SYDE1: variants seen among roughly 807,000 people sequenced by gnomAD.
SYDE1 encodes the protein synapse defective Rho GTPase activating protein 1, also known as rho GTPase-activating protein SYDE1.
Under a neutral mutation model 63.3 loss-of-function variants are expected in SYDE1, and 34 were observed. The observed-to-expected ratio is 0.54, with a 90% CI of 0.41 to 0.71. SYDE1 has a LOEUF of 0.71. Ranked by LOEUF, SYDE1 falls within the 30% of genes least tolerant of loss-of-function variation. The pLI is 0.00. For synonymous variants in SYDE1, 467 were observed against 473.4 expected (o/e 0.99, Z 0.18); for missense variants, 925 against 1,042.5 (o/e 0.89, Z 1.55).
chr19:15,110,053 C>A lies in SYDE1; in HGVS notation c.780C>A (p.Pro260=). The part of the protein sequence containing the change: ...PYEVGPAARA[P]PAALWGRLSL... ...AGGTGGGTCCCGCAGCCCGGGCACC[C>A]CCGGCCGCACTCTGGGGCCGCCTCA... The change falls in exon 3 of 8, where the codon CCC becomes CCA. Residue 260 remains proline, a synonymous_variant. Coordinates refer to ENST00000342784, the MANE Select transcript of SYDE1 (RefSeq NM_033025.6). The surrounding 1 kb of genome is among the most constrained non-coding windows in gnomAD (Gnocchi z 6.9). The A allele has an allele frequency of 6.7e-7, 1 of 1,498,990 alleles. No homozygotes were observed. The allele number at this position is 1,498,990 out of a possible 1,614,324, so 92.9% of individuals were successfully genotyped here. A position where few individuals can be genotyped will look rare whatever the true frequency, so the allele number is the denominator to read the frequency against.
rs867358134 is a variant in SYDE1, at chr19:15,112,428, C to T, written c.1661C>T (p.Ala554Val). 2 of 1,600,994 alleles carry T rather than the reference C, an allele frequency of 1.2e-6. No individual in the cohort carries two copies. The highest frequency in any genetic ancestry group is 1.7e-5 in the Admixed American group (1 of 57,748). The change falls in exon 7 of 8, where the codon GCC becomes GTC. Residue 554 changes from alanine to valine, a missense_variant. Transcript: ENST00000342784. ...AACCGCATGACCCCACAGAACTTGG[C>T]CGTGTGCTTCGGGCCTGTGCTGCTG... ...AYNRMTPQNL[A>V]VCFGPVLLPA...
Position 15,108,004 on chromosome 19 carries a change from G to A in SYDE1, c.88+483G>A, listed in dbSNP as rs984953523. 2.6e-5 allele frequency among the ~76,000 whole-genome samples: 4 copies of A among 152,150 alleles called. No homozygotes were observed. The highest frequency in any genetic ancestry group is 5.9e-5 in the Non-Finnish European group (4 of 68,014). On this transcript the variant is annotated intron_variant, in intron 1 of 7. Transcript: ENST00000342784. The surrounding 1 kb of genome is among the most constrained non-coding windows in gnomAD (Gnocchi z 4.3). ...CCGCCTCCCACCTACTAACAGTGAC[G>A]GCAACTGCGCCTGCCTTAGCCCCAG...
At position 15,110,725 on chromosome 19, in the gene SYDE1, G is replaced by T; in HGVS notation, c.1280G>T (p.Arg427Leu). Residue 427 changes from arginine (R) to leucine (L), a missense_variant, in exon 4 of 8, where the codon CGA (arginine) becomes CTA (leucine). Arg to Leu is a moderately radical substitution (Grantham distance 102). Around this residue, in one of 3 missense-constraint regions of SYDE1, gnomAD observed 599 missense variants for 653.7 expected, o/e 0.92. Transcript: ENST00000342784. This position sits in a 1 kb window ranked among gnomAD's most constrained non-coding sequence, Gnocchi z 6.9. ...IQKCVGQIER[R>L]GLRVVGLYRL... ...AAGTGCGTTGGGCAGATCGAGCGCC[G>T]AGGGCTGCGGGTGAGCACCCACCCC... 1.3e-6 allele frequency: 2 copies of T among 1,553,882 alleles called. No individual in the cohort carries two copies. Among genetic ancestry groups the T allele is most frequent in the Non-Finnish European group, 8.7e-7 (1 of 1,152,292 alleles).
Position 15,113,813 on chromosome 19 carries a change from GGAC to G in SYDE1, c.2061_2063del (p.Asp687del). The G allele has an allele frequency of 6.2e-7, 1 of 1,614,142 alleles. No homozygotes were observed. Among genetic ancestry groups the G allele is most frequent in the East Asian group, 2.2e-5 (1 of 44,882 alleles). ...TGACGGGCAGTGACAGCGAGGACGA[GGAC>G]GAGGAGGTCGGCGAGCCGAGGGTCA... On this transcript the variant is annotated inframe_deletion, in exon 8 of 8. Transcript: ENST00000342784.
In SYDE1 at chr19:15,113,689, G is replaced by GC. The variant is rs764522229; in HGVS notation, c.1940dup (p.Ser648GlufsTer35). The GC allele has an allele frequency of 3.7e-6, 6 of 1,613,328 alleles. No individual in the cohort carries two copies. Among genetic ancestry groups the GC allele is most frequent in the South Asian group, 1.1e-5 (1 of 91,036 alleles). ...CCCCGCGGTCGAGGAGGCCCCGAAA[G>GC]CCCCCCGAGCAACCGCTACGCCGGC... is the stretch of plus-strand genomic sequence containing the variant. On this transcript the variant is annotated frameshift_variant, in exon 8 of 8. Transcript: ENST00000342784. LOFTEE classifies it high-confidence loss of function.
At position 15,108,047 on chromosome 19, in the gene SYDE1, A is replaced by G. The variant is rs1258510688; in HGVS notation, c.88+526A>G. Among the ~76,000 whole-genome samples, 1 of 152,138 alleles carries G rather than the reference A, an allele frequency of 6.6e-6. No individual in the cohort carries two copies. The highest frequency in any genetic ancestry group is 1.5e-5 in the Non-Finnish European group (1 of 68,010). ...AGCCCCAGGAAACTGTCCCTTTTATACAGATGGGGAAACTGAGGCACGGAG... is the reference window on the plus strand; with the variant it reads ...AGCCCCAGGAAACTGTCCCTTTTATGCAGATGGGGAAACTGAGGCACGGAG... On this transcript the variant is annotated intron_variant, in intron 1 of 7. Transcript: ENST00000342784. The surrounding 1 kb of genome is among the most constrained non-coding windows in gnomAD (Gnocchi z 4.3).
At position 15,109,545 on chromosome 19, in the gene SYDE1, C is replaced by A. The variant is rs1342722850; in HGVS notation, c.430+148C>A. On this transcript the variant is annotated intron_variant, in intron 2 of 7. Coordinates refer to ENST00000342784, the MANE Select transcript of SYDE1 (RefSeq NM_033025.6). The surrounding 1 kb of genome is among the most constrained non-coding windows in gnomAD (Gnocchi z 5.0). Reference sequence around the variant, plus strand: ...CTTCAGGGGAGCACCAGCCTCACATCCCCACCCCGTCAGATGCTCCCAGAG... The same window carrying A: ...CTTCAGGGGAGCACCAGCCTCACATACCCACCCCGTCAGATGCTCCCAGAG... The A allele has an allele frequency of 2.9e-6, 3 of 1,046,152 alleles. No individual in the cohort carries two copies. Among genetic ancestry groups the A allele is most frequent in the African/African-American group, 3.2e-5 (2 of 61,812 alleles). 64.8% of individuals were successfully genotyped at this position (1,046,152 alleles called of 1,614,324 possible).
In SYDE1 at chr19:15,113,666, C is replaced by T. The variant is rs762522722; in HGVS notation, c.1911C>T (p.Pro637=). 1 of 1,613,252 alleles carries T rather than the reference C, an allele frequency of 6.2e-7. No individual in the cohort carries two copies. The highest frequency in any genetic ancestry group is 8.5e-7 in the Non-Finnish European group (1 of 1,179,784). ...PLADPEVVTR[P]RGRGGPESPP... is the part of the protein sequence containing the mutation. ...CAGACCCCGAAGTGGTGACTCGGCC[C>T]CGCGGTCGAGGAGGCCCCGAAAGCC... The change falls in exon 8 of 8, where the codon CCC becomes CCT. Residue 637 remains proline (P), a synonymous_variant. Coordinates refer to ENST00000342784, the MANE Select transcript of SYDE1 (RefSeq NM_033025.6).
Position 15,114,081 on chromosome 19 carries a change from C to T in SYDE1, c.*118C>T, listed in dbSNP as rs979447342. ...CTCAGGCCGAGCTCCTGGTTGCCAG[C>T]GAGTTACCACGGGACCAGTCGCGTG... On this transcript the variant is annotated 3_prime_UTR_variant, in exon 8 of 8. Transcript: ENST00000342784. 3 of 1,012,338 alleles carry T rather than the reference C, an allele frequency of 3.0e-6. No individual in the cohort carries two copies. Among genetic ancestry groups the T allele is most frequent in the African/African-American group, 1.6e-5 (1 of 62,116 alleles). The allele number at this position is 1,012,338 out of a possible 1,614,324, so 62.7% of individuals were successfully genotyped here.
chr19:15,110,571 T>C lies in SYDE1; in HGVS notation c.1126T>C (p.Tyr376His), dbSNP rs2046338881. 6.3e-7 allele frequency: 1 copy of C among 1,598,888 alleles called. No homozygotes were observed. Among genetic ancestry groups the C allele is most frequent in the Non-Finnish European group, 8.5e-7 (1 of 1,175,380 alleles). ...AVRLEPQGLLYAKLTLSEQQE... is the reference protein window; with the variant it reads ...AVRLEPQGLLHAKLTLSEQQE... ...GCGCCTGGAGCCTCAGGGGCTGCTG[T>C]ATGCCAAGCTGACCCTGTCGGAGCA... Residue 376 changes from tyrosine to histidine, a missense_variant, in exon 4 of 8, where the codon TAT (tyrosine) becomes CAT (histidine). Tyr to His is a moderately conservative substitution (Grantham distance 83, BLOSUM62 2). Transcript: ENST00000342784. The surrounding 1 kb of genome is among the most constrained non-coding windows in gnomAD (Gnocchi z 6.9).
In SYDE1 at chr19:15,109,254, T is replaced by C. The variant is rs768472992; in HGVS notation, c.287T>C (p.Leu96Ser). The change falls in exon 2 of 8, where the codon TTA becomes TCA. Residue 96 changes from leucine (L) to serine (S), a missense_variant. Physicochemically the swap from Leu to Ser is moderately radical, Grantham distance 145. This residue lies in a region of SYDE1 where 599 missense variants were observed against 653.7 expected (regional missense o/e 0.92). Transcript: ENST00000342784. This position sits in a 1 kb window ranked among gnomAD's most constrained non-coding sequence, Gnocchi z 5.0. ...GCCAAGCCAGCTGAGGACACCTCTT[T>C]AGGGCCTGGGGTACCTGGCACTGGG... ...GGAKPAEDTS[L>S]GPGVPGTGEP... 1.2e-5 allele frequency: 20 copies of C among 1,603,196 alleles called. No homozygotes were observed. The Middle Eastern group carries it at 6.6e-4, about 53-fold the overall frequency.
rs547763466 is a variant in SYDE1 at position 15,110,540 on chromosome 19, G to A, written c.1095G>A (p.Leu365=). The A allele has an allele frequency of 1.1e-5, 18 of 1,589,346 alleles. No individual in the cohort carries two copies. In the Admixed American group the frequency reaches 1.7e-4, roughly 15 times the overall value. Residue 365 remains leucine (L), a synonymous_variant, in exon 4 of 8, where the codon CTG becomes CTA. Transcript: ENST00000342784. The surrounding 1 kb of genome is among the most constrained non-coding windows in gnomAD (Gnocchi z 6.9). ...TVFRGCQAQQ[L]AVRLEPQGLL... ...CCTCAGGGTGCCAGGCCCAACAGCTGGCCGTGCGCCTGGAGCCTCAGGGGC... is the reference window on the plus strand; with the variant it reads ...CCTCAGGGTGCCAGGCCCAACAGCTAGCCGTGCGCCTGGAGCCTCAGGGGC...
In SYDE1 at chr19:15,113,518, C is replaced by T. The variant is rs1032811168; in HGVS notation, c.1805-42C>T. ...GTTCCCTAAGCAGCCAATCAGAGGT[C>T]GGCTGTCGCCTCTTTCTATGACCTA... On this transcript the variant is annotated intron_variant, in intron 7 of 7. Coordinates refer to ENST00000342784, the MANE Select transcript of SYDE1 (RefSeq NM_033025.6). 6 of 1,503,962 alleles carry T rather than the reference C, an allele frequency of 4.0e-6. No individual in the cohort carries two copies. In the African/African-American group the frequency reaches 5.6e-5, roughly 14 times the overall value. The allele number at this position is 1,503,962 out of a possible 1,614,324, so 93.2% of individuals were successfully genotyped here.
In SYDE1 at chr19:15,107,432, G is replaced by C; in HGVS notation, c.-2G>C. ...TCGGCTCGGCCCGGCCCGGGCCGCA[G>C]CATGGCCGAGCCGCTACTCAGGAAA... On this transcript the variant is annotated 5_prime_UTR_variant, in exon 1 of 8. Transcript: ENST00000342784. The C allele has an allele frequency of 7.0e-7, 1 of 1,425,902 alleles. No homozygotes were observed. Among genetic ancestry groups the C allele is most frequent in the Non-Finnish European group, 9.4e-7 (1 of 1,069,040 alleles). 88.3% of individuals were successfully genotyped at this position (1,425,902 alleles called of 1,614,324 possible).
Position 15,110,050 on chromosome 19 carries a change from AC to A in SYDE1, c.782del (p.Pro261ArgfsTer80), listed in dbSNP as rs778610532. 2.7e-6 allele frequency: 4 copies of A among 1,496,532 alleles called. No individual in the cohort carries two copies. The highest frequency in any genetic ancestry group is 1.3e-5 in the South Asian group (1 of 79,728). 92.7% of individuals were successfully genotyped at this position (1,496,532 alleles called of 1,614,324 possible). On this transcript the variant is annotated frameshift_variant, in exon 3 of 8. Coordinates refer to ENST00000342784, the MANE Select transcript of SYDE1 (RefSeq NM_033025.6). LOFTEE classifies it high-confidence loss of function. This position sits in a 1 kb window ranked among gnomAD's most constrained non-coding sequence, Gnocchi z 6.9. ...PYEVGPAARA[P>X]PAALWGRLSL... ...ACGAGGTGGGTCCCGCAGCCCGGGC[AC>A]CCCCGGCCGCACTCTGGGGCCGCCT...
Position 15,113,987 on chromosome 19 carries a change from G to A in SYDE1, c.*24G>A, listed in dbSNP as rs376606936. On this transcript the variant is annotated 3_prime_UTR_variant, in exon 8 of 8. Transcript: ENST00000342784. ...GAGCCAGATGACGGGGTGGGACCCC[G>A]GTTAGTAAGGACCGGGCGCCCAGTG... 15 of 1,597,068 alleles carry A rather than the reference G, an allele frequency of 9.4e-6. No homozygotes were observed. The highest frequency in any genetic ancestry group is 6.8e-5 in the Admixed American group (4 of 59,238).
Position 15,114,327 on chromosome 19 carries a change from G to T in SYDE1, c.*364G>T. ...CACCAGTTACTGTGAGCATCACCCT[G>T]GTGTGGTGAGTCACCTCTAGTCGGC... On this transcript the variant is annotated 3_prime_UTR_variant, in exon 8 of 8. Coordinates refer to ENST00000342784, the MANE Select transcript of SYDE1 (RefSeq NM_033025.6). The T allele has an allele frequency of 3.8e-6, 1 of 264,040 alleles. No homozygotes were observed. 16.4% of individuals were successfully genotyped at this position (264,040 alleles called of 1,614,324 possible).
chr19:15,111,486 C>G lies in SYDE1; in HGVS notation c.1417+47C>G. On this transcript the variant is annotated intron_variant, in intron 5 of 7. Coordinates refer to ENST00000342784, the MANE Select transcript of SYDE1 (RefSeq NM_033025.6). This position sits in a 1 kb window ranked among gnomAD's most constrained non-coding sequence, Gnocchi z 5.5. ...CTGCCTGCTCACCCCCATTCAATGC[C>G]TCACTTCAAGGCCTTGGGGCTCCTC... is the stretch of plus-strand genomic sequence containing the variant. The G allele has an allele frequency of 6.2e-7, 1 of 1,608,996 alleles. No individual in the cohort carries two copies. The highest frequency in any genetic ancestry group is 8.5e-7 in the Non-Finnish European group (1 of 1,176,458).
chr19:15,114,934 G>A lies in SYDE1; in HGVS notation c.*971G>A, dbSNP rs1408127395. ...CCCTCCTGTCTCCCTCTTCTTTTCC[G>A]CACCTCCATCTTTGTGGATAATAAA... On this transcript the variant is annotated 3_prime_UTR_variant, in exon 8 of 8. Transcript: ENST00000342784. The A allele has an allele frequency of 4.9e-6, 2 of 407,378 alleles. No homozygotes were observed. The highest frequency in any genetic ancestry group is 9.2e-6 in the Non-Finnish European group (2 of 217,704). The allele number at this position is 407,378 out of a possible 1,614,324, so 25.2% of individuals were successfully genotyped here.
Sources: gnomAD v4.1 joint callset for allele counts (sites outside exome capture counted in the v4.1 genomes callset) on GRCh38, gnomAD v4.1.1 for gene constraint, gnomAD v4.1.1 regional missense constraint, Gnocchi (gnomAD v3.1) non-coding constraint, MANE v1.5 for transcripts, NCBI Gene and HGNC (gene_info 2026-07-23, HGNC 2026-07-21) for gene names.